Variants in CCDC13 observed in about 807,000 individuals in gnomAD.
CCDC13 encodes the protein coiled-coil domain containing 13.
Under a neutral mutation model 87.3 loss-of-function variants are expected in CCDC13, and 70 were observed. The ratio of observed to expected loss-of-function variants is 0.80; its 90% CI spans 0.66 to 0.98. CCDC13 has a LOEUF of 0.98. Among genes scored for constraint, CCDC13 ranks in the 50% least tolerant of loss-of-function variants. The probability of loss-of-function intolerance (pLI) is 0.00; values close to 1 mark genes in which losing one functional copy is unlikely to be tolerated. For missense variants in CCDC13, 842 were observed against 892.0 expected (o/e 0.94, Z 0.71); for synonymous variants, 317 against 360.3 (o/e 0.88, Z 1.36).
At chr3:42,752,330 G>A (rs762064385) in intron 4 of CCDC13, among the ~76,000 whole-genome samples, 25 of 152,052 alleles carry the variant, frequency 1.6e-4, no homozygotes, top group Non-Finnish European at 1.5e-4. Flanking sequence ...TCTAGGAGGC[G>A]GGGCAAAAAA....
chr3:42,721,086 G>A (rs1698549686), intron 13 of CCDC13, among the ~76,000 whole-genome samples: 1 of 152,170 alleles, frequency 6.6e-6, no homozygotes, highest in South Asian at 2.1e-4. Context: ...GGCTATATTT[G>A]TATAAATGTG....
At chr3:42,724,356 A>G (rs568138758) in intron 13 of CCDC13, among the ~76,000 whole-genome samples, 92 of 152,254 alleles carry the variant, frequency 6.0e-4, no homozygotes, top group African/African-American at 2.2e-3. Flanking sequence ...CTTCCAATCT[A>G]TCAGCAGGCT....
chr3:42,740,405 C>T (rs1250596892), intron 8 of CCDC13, among the ~76,000 whole-genome samples: 2 of 152,142 alleles, frequency 1.3e-5, no homozygotes, highest in East Asian at 3.9e-4. Flanking sequence ...CGAGGGTTTC[C>T]TGAGGGCCTA....
At chr3:42,763,141 C>T (rs1380590627) in intron 1 of CCDC13, among the ~76,000 whole-genome samples, 2 of 152,192 alleles carry the variant, frequency 1.3e-5, no homozygotes, top group African/African-American at 4.8e-5. Context: ...GGTACAGAAA[C>T]AGCTAGACTG....
At chr3:42,711,605 T>C (rs754454417) in intron 14 of CCDC13, among the ~76,000 whole-genome samples, 3 of 152,228 alleles carry the variant, frequency 2.0e-5, no homozygotes, top group Admixed American at 6.5e-5. Flanking sequence ...GCACCGACAC[T>C]TGTCTTTCCC....
intron 7 of CCDC13, among the ~76,000 whole-genome samples, chr3:42,744,164 T>C (rs1575312433): frequency 9.4e-6 from 1 of 106,688 alleles, no homozygotes; most frequent in East Asian, 2.4e-4. Context: ...TTAGGTAACT[T>C]TGCAAAATCC....
intron 10 of CCDC13, among the ~76,000 whole-genome samples, chr3:42,735,177 G>A (rs542396084): frequency 3.5e-4 from 54 of 152,374 alleles, no homozygotes; most frequent in Non-Finnish European, 6.5e-4. Context: ...CCAGACCGAG[G>A]CCGTGGGGGA....
Position 42,713,286 on chromosome 3 carries a change from C to G in CCDC13, c.1749G>C (p.Glu583Asp). Residue 583 changes from glutamate (E) to aspartate (D), a missense_variant, in exon 14 of 16, where the codon GAG becomes GAC. By Grantham distance (45) the Glu-to-Asp change is conservative (BLOSUM62 2). Transcript: ENST00000310232. ...GCTCCTCCTGCAGCTTCCTCTCTGA[C>G]TCCAGGAGCTTGCTGTTGCTCTCCT... ...RVEESNSKLL[E>D]SERKLQEERH... The G allele has an allele frequency of 6.2e-7, 1 of 1,614,122 alleles. No homozygotes were observed. The highest frequency in any genetic ancestry group is 8.5e-7 in the Non-Finnish European group (1 of 1,180,008).
intron 3 of CCDC13, among the ~76,000 whole-genome samples, chr3:42,753,615 C>T (rs1174386330): frequency 6.6e-6 from 1 of 152,070 alleles, no homozygotes; most frequent in Admixed American, 6.5e-5. Flanking sequence ...TACACTGGAG[C>T]TGGGCAAGGG....
chr3:42,752,102 G>C (rs1357784510), intron 4 of CCDC13, 77 bp from the exon 5 acceptor site: 2 of 1,261,132 alleles, frequency 1.6e-6, no homozygotes, highest in African/African-American at 2.9e-5. Context: ...GTGCCATTGT[G>C]TGTGTGGTTA....
At chr3:42,717,306 G>T (rs1034582486) in intron 13 of CCDC13, among the ~76,000 whole-genome samples, 8 of 151,884 alleles carry the variant, frequency 5.3e-5, no homozygotes, top group African/African-American at 1.9e-4. Context: ...GGTGCTTGTA[G>T]TCCCAACTAT....
At chr3:42,739,375 C>T (rs1384356190) in intron 9 of CCDC13, among the ~76,000 whole-genome samples, 1 of 152,214 alleles carries the variant, frequency 6.6e-6, no homozygotes, top group East Asian at 1.9e-4. Context: ...ATTTCTGTCT[C>T]TTTTGGGGTC....
At chr3:42,741,662 C>T (rs1036085168) in intron 8 of CCDC13, among the ~76,000 whole-genome samples, 12 of 152,024 alleles carry the variant, frequency 7.9e-5, no homozygotes, top group Admixed American at 1.3e-4. Flanking sequence ...ACTTGAACCC[C>T]GGAGGCGGAG....
In CCDC13 at chr3:42,708,425, G is replaced by C. The variant is rs758535983; in HGVS notation, c.*555C>G. ...ACTTATTATTATTACAAGTCCAAGG[G>C]TCTGCACCTGAGGAAGTGTCCTGAG... is the stretch of plus-strand genomic sequence containing the variant. On this transcript the variant is annotated 3_prime_UTR_variant, in exon 16 of 16. Coordinates refer to ENST00000310232, the MANE Select transcript of CCDC13 (RefSeq NM_144719.4). 1 of 152,262 alleles carries C rather than the reference G, an allele frequency of 6.6e-6. No individual in the cohort carries two copies. Among genetic ancestry groups the C allele is most frequent in the Admixed American group, 6.5e-5 (1 of 15,272 alleles). The allele number at this position is 152,262 out of a possible 1,614,324, so 9.4% of individuals were successfully genotyped here.
chr3:42,730,878 C>T (rs1355595134), intron 12 of CCDC13, among the ~76,000 whole-genome samples: 1 of 152,156 alleles, frequency 6.6e-6, no homozygotes, highest in African/African-American at 2.4e-5. Context: ...GGTGCTGTGG[C>T]AGGTGGCTCT....
chr3:42,737,368 A>G (rs192273669), intron 9 of CCDC13, among the ~76,000 whole-genome samples: 6 of 152,342 alleles, frequency 3.9e-5, no homozygotes, highest in Non-Finnish European at 7.3e-5. Context: ...GTGCCGCAGT[A>G]AACATACGTG....
At position 42,762,853 on chromosome 3, in the gene CCDC13, G is replaced by A. The variant is rs574178199; in HGVS notation, c.-6-4502C>T. On this transcript the variant is annotated intron_variant, in intron 1 of 15. Transcript: ENST00000310232. The stretch of plus-strand genomic sequence containing the variant: ...AATCCCAGCACTTTGGAAGGCCAAG[G>A]TGGAAGCACAGCTTGAGCCCAGGAG... 5.5e-4 allele frequency among the ~76,000 whole-genome samples: 84 copies of A among 152,306 alleles called. 3 individuals carry two copies. The South Asian group carries it at 0.017, about 30-fold the overall frequency.
intron 13 of CCDC13, among the ~76,000 whole-genome samples, chr3:42,728,354 G>A (rs940094997): frequency 6.6e-6 from 1 of 152,166 alleles, no homozygotes; most frequent in Admixed American, 6.5e-5. Flanking sequence ...TTGTAGGGCA[G>A]AGTAGAGGAG....
At chr3:42,710,804 C>A (rs1698293082) in intron 14 of CCDC13, among the ~76,000 whole-genome samples, 1 of 152,164 alleles carries the variant, frequency 6.6e-6, no homozygotes, top group East Asian at 1.9e-4. Context: ...TTCTTCAGGG[C>A]CTTTCCTGGC....
Sources: gnomAD v4.1 joint callset for allele counts (sites outside exome capture counted in the v4.1 genomes callset) on GRCh38, gnomAD v4.1.1 for gene constraint, MANE v1.5 for transcripts, NCBI Gene and HGNC (gene_info 2026-07-23, HGNC 2026-07-21) for gene names.